Variants in CCDC88C observed in about 807,000 individuals in gnomAD.
CCDC88C encodes the protein coiled-coil and HOOK domain protein 88C, also known as protein Daple.
CCDC88C carries 131 observed loss-of-function variants against 198.8 expected under a neutral mutation model. The observed-to-expected ratio is 0.66, with a 90% CI of 0.57 to 0.76. CCDC88C has a LOEUF of 0.76. Ranked by LOEUF, CCDC88C falls within the 30% of genes least tolerant of loss-of-function variation. CCDC88C has a pLI of 0.00. For missense variants in CCDC88C, 2,553 were observed against 2,631.6 expected (o/e 0.97, Z 0.65); for synonymous variants, 1,166 against 1,114.7 (o/e 1.05, Z -0.92).
At position 91,339,590 on chromosome 14, in the gene CCDC88C, A is replaced by G; in HGVS notation, c.625-128T>C. ...CAGCGGAGACTAAGAAACGAGGAGG[A>G]AGGTGGGAAAAGGCTGGCATGGGTT... On this transcript the variant is annotated intron_variant, in intron 7 of 29. Transcript: ENST00000389857. This position sits in a 1 kb window ranked among gnomAD's most constrained non-coding sequence, Gnocchi z 5.8. The G allele has an allele frequency of 5.4e-6, 5 of 934,060 alleles. No homozygotes were observed. The highest frequency in any genetic ancestry group is 6.3e-6 in the Non-Finnish European group (4 of 631,298). The allele number at this position is 934,060 out of a possible 1,614,324, so 57.9% of individuals were successfully genotyped here.
At chr14:91,311,654 C>T (rs980051179) in intron 15 of CCDC88C, among the ~76,000 whole-genome samples, 3 of 152,200 alleles carry the variant, frequency 2.0e-5, no homozygotes, top group Non-Finnish European at 4.4e-5. Flanking sequence ...GTGAGATAAA[C>T]GGTGCTGGGC....
chr14:91,396,960 C>T (rs1057081225), intron 3 of CCDC88C, among the ~76,000 whole-genome samples: 2 of 151,724 alleles, frequency 1.3e-5, no homozygotes, highest in Non-Finnish European at 2.9e-5. Context: ...AAGCCGTGAT[C>T]GCACCACTGC....
intron 12 of CCDC88C, 119 bp from the exon 13 acceptor site, chr14:91,321,423 C>A: frequency 1.9e-6 from 2 of 1,043,672 alleles, no homozygotes; most frequent in Non-Finnish European, 1.4e-6. Context: ...TGGGGAGGAG[C>A]TCCCACAGGT....
chr14:91,379,774 CG>C lies in CCDC88C; in HGVS notation c.271-20064del, dbSNP rs989512602. ...CCACACCCCGTGCCCGGGCCTCCTG[CG>C]GGGGTGTCTTGTTCACTGTCCACTT... On this transcript the variant is annotated intron_variant, in intron 3 of 29. Transcript: ENST00000389857. The C allele has an allele frequency of 2.7e-5, 19 of 698,832 alleles. No individual in the cohort carries two copies. In the Admixed American group the frequency reaches 3.6e-4, roughly 13 times the overall value. 43.3% of individuals were successfully genotyped at this position (698,832 alleles called of 1,614,324 possible). A position where few individuals can be genotyped will look rare whatever the true frequency, so the allele number is the denominator to read the frequency against.
intron 13 of CCDC88C, 64 bp downstream of exon 13, chr14:91,321,055 TG>T: frequency 6.9e-7 from 1 of 1,446,584 alleles, no homozygotes. Context: ...AGACAATCAC[TG>T]GGGAGGATGG....
chr14:91,363,415 C>T (rs1239125725), intron 3 of CCDC88C, among the ~76,000 whole-genome samples: 1 of 151,966 alleles, frequency 6.6e-6, no homozygotes, highest in African/African-American at 2.4e-5. Flanking sequence ...CCGGCCTTTG[C>T]ATTCTTTTTC....
At chr14:91,382,248 G>T (rs1567111862) in intron 3 of CCDC88C, among the ~76,000 whole-genome samples, 1 of 152,262 alleles carries the variant, frequency 6.6e-6, no homozygotes, top group East Asian at 1.9e-4. Flanking sequence ...TCAACGCAGA[G>T]GCCTCATAAT....
In CCDC88C at chr14:91,338,383, T is replaced by C. The variant is rs1426826177; in HGVS notation, c.891+106A>G. 9.3e-7 allele frequency: 1 copy of C among 1,079,728 alleles called. No homozygotes were observed. The highest frequency in any genetic ancestry group is 1.4e-6 in the Non-Finnish European group (1 of 725,054). The allele number at this position is 1,079,728 out of a possible 1,614,324, so 66.9% of individuals were successfully genotyped here. On this transcript the variant is annotated intron_variant, in intron 9 of 29. Coordinates refer to ENST00000389857, the MANE Select transcript of CCDC88C (RefSeq NM_001080414.4). This position sits in a 1 kb window ranked among gnomAD's most constrained non-coding sequence, Gnocchi z 4.8. ...CCGTGCTCAGGACAAGTGGCTCTTG[T>C]GTGGCTTAAAAGCGCTGCTGTTGAG...
intron 28 of CCDC88C, 49 bp downstream of exon 28, chr14:91,279,189 T>C: frequency 1.3e-6 from 2 of 1,496,134 alleles, no homozygotes; most frequent in Admixed American, 1.9e-5. Flanking sequence ...TGAGCCACTG[T>C]GCCTGGCCCA....
intron 13 of CCDC88C, 175 bp from the exon 14 acceptor site, chr14:91,315,962 C>T: frequency 1.6e-6 from 1 of 620,686 alleles, no homozygotes. Context: ...ACTCTTAAGA[C>T]AGAAAGTCAC....
In CCDC88C at chr14:91,284,011, C is replaced by G. The variant is rs961262401; in HGVS notation, c.4442-494G>C. Among the ~76,000 whole-genome samples the G allele has an allele frequency of 3.3e-5, 5 of 152,152 alleles. No homozygotes were observed. The highest frequency in any genetic ancestry group is 1.3e-4 in the Admixed American group (2 of 15,272). ...TATTCTGTTTTTTCAAAAAGGGAAG[C>G]CTTAATCTCTGCATGGTGAGACGAA... On this transcript the variant is annotated intron_variant, in intron 25 of 29. Coordinates refer to ENST00000389857, the MANE Select transcript of CCDC88C (RefSeq NM_001080414.4). The surrounding 1 kb of genome is among the most constrained non-coding windows in gnomAD (Gnocchi z 4.1).
chr14:91,305,611 T>C (rs1217814220), intron 19 of CCDC88C, among the ~76,000 whole-genome samples, 154 bp downstream of exon 19: 1 of 152,210 alleles, frequency 6.6e-6, no homozygotes, highest in Non-Finnish European at 1.5e-5. Flanking sequence ...CACTGATCAC[T>C]GTTTACAGCG....
In CCDC88C at chr14:91,273,020, G is replaced by T; in HGVS notation, c.5692C>A (p.Pro1898Thr). ...LAPPKEERLA[P>T]LHQSATAPAI... ...GGGGCTGTGGCAGACTGATGCAGGGGGGCCAGCCTCTCCTCCTTTGGGGGA... is the reference window on the plus strand; with the variant it reads ...GGGGCTGTGGCAGACTGATGCAGGGTGGCCAGCCTCTCCTCCTTTGGGGGA... Residue 1898 changes from proline to threonine, a missense_variant, in exon 30 of 30, where the codon CCC becomes ACC. Pro to Thr is a conservative substitution (Grantham distance 38). This residue lies in a region of CCDC88C where 1,293 missense variants were observed against 1,219.6 expected (regional missense o/e 1.06). Coordinates refer to ENST00000389857, the MANE Select transcript of CCDC88C (RefSeq NM_001080414.4). The surrounding 1 kb of genome is among the most constrained non-coding windows in gnomAD (Gnocchi z 5.6). The T allele has an allele frequency of 1.3e-6, 2 of 1,554,466 alleles. No individual in the cohort carries two copies. The highest frequency in any genetic ancestry group is 2.3e-5 in the South Asian group (2 of 85,500).
Position 91,338,446 on chromosome 14 carries a change from C to A in CCDC88C, c.891+43G>T. Reference sequence around the variant, plus strand: ...CAGGCCCCGTTACTGGACACTCCAGCCCTGCTACCCCCAGGACACACAGGC... The same window carrying A: ...CAGGCCCCGTTACTGGACACTCCAGACCTGCTACCCCCAGGACACACAGGC... On this transcript the variant is annotated intron_variant, in intron 9 of 29. Transcript: ENST00000389857. This position sits in a 1 kb window ranked among gnomAD's most constrained non-coding sequence, Gnocchi z 4.8. 6.6e-7 allele frequency: 1 copy of A among 1,504,928 alleles called. No individual in the cohort carries two copies. The allele number at this position is 1,504,928 out of a possible 1,614,324, so 93.2% of individuals were successfully genotyped here.
intron 23 of CCDC88C, among the ~76,000 whole-genome samples, chr14:91,293,550 G>A (rs1412608042): frequency 0.033 from 679 of 20,746 alleles, 220 homozygotes; most frequent in South Asian, 0.068. Flanking sequence ...CCACCTTCCT[G>A]TCCCCTCGCC....
At chr14:91,294,658 C>T (rs1351792931) in intron 22 of CCDC88C, among the ~76,000 whole-genome samples, 2 of 152,262 alleles carry the variant, frequency 1.3e-5, no homozygotes, top group Admixed American at 6.5e-5. Context: ...ATAATGTTTT[C>T]GTTTGTTTGT....
chr14:91,375,898 A>AT (rs1454070230), intron 3 of CCDC88C, among the ~76,000 whole-genome samples: 1 of 152,162 alleles, frequency 6.6e-6, no homozygotes, highest in African/African-American at 2.4e-5. Flanking sequence ...AACTGTGCCC[A>AT]TTTTACAGAG....
chr14:91,357,018 G>C (rs549240000), intron 4 of CCDC88C, among the ~76,000 whole-genome samples: 169 of 152,322 alleles, frequency 1.1e-3, no homozygotes, highest in African/African-American at 4.0e-3. Context: ...GGTCAAAAAA[G>C]ACTGGATATT....
intron 24 of CCDC88C, 89 bp from the exon 25 acceptor site, chr14:91,289,432 T>A: frequency 8.7e-7 from 1 of 1,151,532 alleles, no homozygotes; most frequent in Non-Finnish European, 1.3e-6. Flanking sequence ...TGGGATGTTC[T>A]TCCCCAGTCT....
Sources: gnomAD v4.1 joint callset for allele counts (sites outside exome capture counted in the v4.1 genomes callset) on GRCh38, gnomAD v4.1.1 for gene constraint, gnomAD v4.1.1 regional missense constraint, Gnocchi (gnomAD v3.1) non-coding constraint, MANE v1.5 for transcripts, NCBI Gene and HGNC (gene_info 2026-07-23, HGNC 2026-07-21) for gene names.